Variants in BRD1 observed in about 807,000 individuals in gnomAD.
BRD1 encodes the protein bromodomain-containing protein 1.
BRD1 carries 24 observed loss-of-function variants against 107.7 expected under a neutral mutation model. That is an observed-to-expected ratio of 0.22 (90% CI 0.16 to 0.31). The LOEUF (loss-of-function observed/expected upper bound fraction) is 0.31. Among genes scored for constraint, BRD1 ranks in the 10% least tolerant of loss-of-function variants. The pLI is 1.00. For missense variants in BRD1, 1,279 were observed against 1,638.6 expected (o/e 0.78, Z 3.79); for synonymous variants, 744 against 686.1 (o/e 1.08, Z -1.32).
chr22:49,775,439 C>G, intron 12 of BRD1, 152 bp downstream of exon 12: 3 of 740,836 alleles, frequency 4.0e-6, no homozygotes, highest in Non-Finnish European at 5.8e-6. Flanking sequence ...CCCTTCTCCA[C>G]CAGGCAAACA....
At chr22:49,788,749 T>TC (rs2059376953) in intron 7 of BRD1, among the ~76,000 whole-genome samples, 1 of 152,182 alleles carries the variant, frequency 6.6e-6, no homozygotes, top group African/African-American at 2.4e-5. Flanking sequence ...CACTGAGGCT[T>TC]CCTTCCAAGC....
At chr22:49,778,793 C>A (rs1017865923) in intron 8 of BRD1, among the ~76,000 whole-genome samples, 1 of 152,172 alleles carries the variant, frequency 6.6e-6, no homozygotes. Flanking sequence ...TCCCGAGTAG[C>A]TGGGACTACA....
At chr22:49,787,355 C>T (rs771435935) in intron 8 of BRD1, 35 bp downstream of exon 8, 2 of 1,426,860 alleles carry the variant, frequency 1.4e-6, no homozygotes, top group Non-Finnish European at 1.9e-6. Flanking sequence ...CACTGGTCGG[C>T]AAGGGCGCCT....
At chr22:49,782,412 G>A (rs183785134) in intron 8 of BRD1, among the ~76,000 whole-genome samples, 2,047 of 150,836 alleles carry the variant, frequency 0.014, 27 homozygotes, top group African/African-American at 0.047. Flanking sequence ...GTCAGAGACA[G>A]ACCCAAGGCC....
rs1013067309 is a variant in BRD1 at position 49,792,098 on chromosome 22, G to A, written c.2359+1936C>T. Among the ~76,000 whole-genome samples, 9 of 152,114 alleles carry A rather than the reference G, an allele frequency of 5.9e-5. No individual in the cohort carries two copies. Among genetic ancestry groups the A allele is most frequent in the South Asian group, 2.1e-4 (1 of 4,828 alleles). ...AACCATGCGAGGTCCTCAACCATGC[G>A]AGGTCCTCAGTCCTGTGACCCAATA... On this transcript the variant is annotated intron_variant, in intron 7 of 12. Transcript: ENST00000404760. The surrounding 1 kb of genome is among the most constrained non-coding windows in gnomAD (Gnocchi z 4.2).
chr22:49,801,114 C>A (rs2059632170), intron 3 of BRD1, among the ~76,000 whole-genome samples: 1 of 152,240 alleles, frequency 6.6e-6, no homozygotes. Flanking sequence ...GCCCAGCATG[C>A]CACAGGACAG....
chr22:49,782,077 G>T (rs967004948), intron 8 of BRD1, among the ~76,000 whole-genome samples: 4 of 147,512 alleles, frequency 2.7e-5, no homozygotes, highest in African/African-American at 1.0e-4. Flanking sequence ...GCTGGGACCC[G>T]CTCCGTGACA....
chr22:49,826,775 C>A (rs976217658), intron 1 of BRD1, among the ~76,000 whole-genome samples: 7 of 152,230 alleles, frequency 4.6e-5, no homozygotes, highest in Non-Finnish European at 1.5e-5. Context: ...AAAACAGACA[C>A]GGGCGGCCGC....
chr22:49,789,087 C>T (rs1283849977), intron 7 of BRD1, among the ~76,000 whole-genome samples: 3 of 152,168 alleles, frequency 2.0e-5, no homozygotes, highest in Non-Finnish European at 4.4e-5. Context: ...TTAAATGACA[C>T]TCGGCGCCTT....
At chr22:49,790,436 C>T (rs2059412725) in intron 7 of BRD1, among the ~76,000 whole-genome samples, 1 of 152,218 alleles carries the variant, frequency 6.6e-6, no homozygotes, top group Non-Finnish European at 1.5e-5. Context: ...ACAACTCGGG[C>T]ATAAGCCTCT....
rs998625783 is a variant in BRD1 at position 49,824,470 on chromosome 22, A to C, written c.-14-139T>G. 3 of 1,446,736 alleles carry C rather than the reference A, an allele frequency of 2.1e-6. No individual in the cohort carries two copies. The highest frequency in any genetic ancestry group is 1.8e-6 in the Non-Finnish European group (2 of 1,106,974). 89.6% of individuals were successfully genotyped at this position (1,446,736 alleles called of 1,614,324 possible). On this transcript the variant is annotated intron_variant, in intron 1 of 12. Coordinates refer to ENST00000404760, the MANE Select transcript of BRD1 (RefSeq NM_001304808.3). This position sits in a 1 kb window ranked among gnomAD's most constrained non-coding sequence, Gnocchi z 5.9. ...CAAAACTCACAGCTAACCTCTTTCC[A>C]AGGTGTCCAAAACCACACATCCAGG...
chr22:49,812,756 A>G (rs1173753581), intron 2 of BRD1, among the ~76,000 whole-genome samples: 2 of 152,210 alleles, frequency 1.3e-5, no homozygotes, highest in African/African-American at 4.8e-5. Context: ...CACTGTACAC[A>G]GACGAACCAA....
At position 49,823,652 on chromosome 22, in the gene BRD1, G is replaced by A. The variant is rs374070979; in HGVS notation, c.666C>T (p.Asp222=). The change falls in exon 2 of 13, where the codon GAC becomes GAT. Residue 222 remains aspartate, a synonymous_variant. Transcript: ENST00000404760. The stretch of plus-strand genomic sequence containing the variant: ...TCACGTTGCTGTTCTGACACTCCCC[G>A]TCCATGCAGATGCAGCACACGGCGT... ...DEDAVCCICM[D]GECQNSNVIL... The A allele has an allele frequency of 3.7e-5, 60 of 1,612,750 alleles. 1 individual carries two copies. The African/African-American group carries it at 6.3e-4, about 17-fold the overall frequency.
At chr22:49,798,802 A>G in intron 4 of BRD1, 116 bp from the exon 5 acceptor site, 1 of 1,442,422 alleles carries the variant, frequency 6.9e-7, no homozygotes, top group African/African-American at 1.4e-5. Context: ...GTCCAGGCAT[A>G]GGACAACGCA....
intron 8 of BRD1, among the ~76,000 whole-genome samples, chr22:49,785,071 G>A (rs184123887): frequency 1.3e-3 from 196 of 152,352 alleles, no homozygotes; most frequent in African/African-American, 4.3e-3. Context: ...CTACACCACC[G>A]TCACCACGGG....
chr22:49,808,816 A>C (rs2059793983), intron 2 of BRD1, among the ~76,000 whole-genome samples: 1 of 152,222 alleles, frequency 6.6e-6, no homozygotes, highest in Non-Finnish European at 1.5e-5. Flanking sequence ...CATCTGAGTC[A>C]ATACATCAGA....
In BRD1 at chr22:49,824,236, G is replaced by T. The variant is rs1278356986; in HGVS notation, c.82C>A (p.Arg28=). 1.2e-6 allele frequency: 2 copies of T among 1,613,988 alleles called. No individual in the cohort carries two copies. Among genetic ancestry groups the T allele is most frequent in the Non-Finnish European group, 1.7e-6 (2 of 1,180,028 alleles). ...SPCSVKHSPT[R]ETLTYAQAQR... The stretch of plus-strand genomic sequence containing the variant: ...GCTTGAGCGTAGGTCAGCGTTTCTC[G>T]CGTAGGGGAGTGTTTAACACTGCAT... The change falls in exon 2 of 13, where the codon CGA becomes AGA. Residue 28 remains arginine, a synonymous_variant. Transcript: ENST00000404760. The surrounding 1 kb of genome is among the most constrained non-coding windows in gnomAD (Gnocchi z 5.9).
rs1250210162 is a variant in BRD1 at position 49,774,555 on chromosome 22, T to C, written c.3387-139A>G. 4.1e-6 allele frequency: 4 copies of C among 970,430 alleles called. No individual in the cohort carries two copies. In the African/African-American group the frequency reaches 5.0e-5, roughly 12 times the overall value. 60.1% of individuals were successfully genotyped at this position (970,430 alleles called of 1,614,324 possible). ...GCACCACCAAGACAGCTGGGCCCCG[T>C]GCAGGGACAGGCCCGAGGCCAGGAG... On this transcript the variant is annotated intron_variant, in intron 12 of 12. Coordinates refer to ENST00000404760, the MANE Select transcript of BRD1 (RefSeq NM_001304808.3).
At chr22:49,810,811 A>AG in intron 2 of BRD1, among the ~76,000 whole-genome samples, 1 of 152,220 alleles carries the variant, frequency 6.6e-6, no homozygotes, top group East Asian at 1.9e-4. Context: ...GAGAATATAC[A>AG]GGGGTACAGC....
Sources: allele counts gnomAD v4.1 joint callset (sites outside exome capture counted in the v4.1 genomes callset), GRCh38; gene constraint gnomAD v4.1.1; non-coding constraint Gnocchi (gnomAD v3.1); transcripts MANE v1.5; gene names NCBI Gene and HGNC (gene_info 2026-07-23, HGNC 2026-07-21).